The following HNF4G variants were observed in gnomAD, a reference collection of about 807,000 sequenced individuals.
HNF4G encodes the protein hepatocyte nuclear factor 4 gamma.
Under a neutral mutation model 50.9 loss-of-function variants are expected in HNF4G, and 21 were observed. That is an observed-to-expected ratio of 0.41 (90% confidence interval 0.29 to 0.59). HNF4G has a LOEUF of 0.59. Among genes scored for constraint, HNF4G ranks in the 20% least tolerant of loss-of-function variants. HNF4G has a pLI of 0.26. For synonymous variants in HNF4G, 198 were observed against 185.6 expected (o/e 1.07, Z -0.54); for missense variants, 527 against 559.4 (o/e 0.94, Z 0.58).
intron 1 of HNF4G, among the ~76,000 whole-genome samples, chr8:75,411,852 T>A (rs1056883458): frequency 7.2e-5 from 11 of 152,174 alleles, no homozygotes; most frequent in African/African-American, 2.7e-4. Flanking sequence ...TTTGAAATGT[T>A]TGCAATTATA....
At chr8:75,446,898 CAATGACT>C in intron 1 of HNF4G, among the ~76,000 whole-genome samples, 1 of 117,226 alleles carries the variant, frequency 8.5e-6, no homozygotes, top group Admixed American at 8.8e-5. Context: ...ATCAAGCTAC[CAATGACT>C]TTCTTCACAG....
Position 75,471,059 on chromosome 8 carries a change from A to G in HNF4G, c.-143-19030A>G, listed in dbSNP as rs1812101803. Reference sequence around the variant, plus strand: ...AGTTTGTTTGGATGATCTTCCTGATAAAGTCCTGACAATCTCTCAGTATAA... The same window carrying G: ...AGTTTGTTTGGATGATCTTCCTGATGAAGTCCTGACAATCTCTCAGTATAA... On this transcript the variant is annotated intron_variant, in intron 1 of 10. Coordinates refer to the HNF4G transcript ENST00000354370. Among the ~76,000 whole-genome samples, 3 of 152,206 alleles carry G rather than the reference A, an allele frequency of 2.0e-5. 1 individual carries two copies. Among genetic ancestry groups the G allele is most frequent in the Non-Finnish European group, 4.4e-5 (3 of 68,034 alleles).
intron 1 of HNF4G, among the ~76,000 whole-genome samples, chr8:75,438,979 C>T (rs1226596174): frequency 3.9e-5 from 6 of 151,980 alleles, no homozygotes; most frequent in Admixed American, 2.6e-4. Context: ...AGATCTTCCT[C>T]ATTATTTCTT....
chr8:75,488,597 A>G (rs955010216), intron 1 of HNF4G, among the ~76,000 whole-genome samples: 1 of 152,122 alleles, frequency 6.6e-6, no homozygotes, highest in East Asian at 1.9e-4. Context: ...GTTTTGGACA[A>G]TAAGCTTAGA....
chr8:75,479,417 A>C (rs1812319035), intron 1 of HNF4G, among the ~76,000 whole-genome samples: 1 of 152,182 alleles, frequency 6.6e-6, no homozygotes, highest in Admixed American at 6.5e-5. Context: ...TAGTAACCTA[A>C]AATTTTTAGT....
chr8:75,552,308 G>A (rs1322685216), intron 4 of HNF4G, among the ~76,000 whole-genome samples: 1 of 151,978 alleles, frequency 6.6e-6, no homozygotes, highest in Non-Finnish European at 1.5e-5. Flanking sequence ...GACCTAAAGG[G>A]GAGCTATGAG....
At chr8:75,512,975 A>G (rs1048492076) in intron 2 of HNF4G, among the ~76,000 whole-genome samples, 6 of 152,182 alleles carry the variant, frequency 3.9e-5, no homozygotes, top group Admixed American at 3.3e-4. Context: ...ACACAATTTT[A>G]TTATAAAACT....
chr8:75,547,526 G>C (rs1806821670), intron 2 of HNF4G, 61 bp from the exon 3 acceptor site: 1 of 1,176,184 alleles, frequency 8.5e-7, no homozygotes, highest in South Asian at 1.3e-5. Flanking sequence ...CCATTTGTCT[G>C]TTTATTTGCT....
chr8:75,516,081 T>A (rs1805882470), intron 2 of HNF4G, among the ~76,000 whole-genome samples: 1 of 152,236 alleles, frequency 6.6e-6, no homozygotes. Flanking sequence ...CACCATCTTT[T>A]ACTAAGCAAT....
At chr8:75,427,646 C>T (rs541897751) in intron 1 of HNF4G, among the ~76,000 whole-genome samples, 17 of 151,200 alleles carry the variant, frequency 1.1e-4, no homozygotes, top group East Asian at 1.9e-4. Flanking sequence ...TTACAGATAG[C>T]GAATGCCTTG....
Position 75,528,551 on chromosome 8 carries a change from A to T in HNF4G, c.-23-15260A>T, listed in dbSNP as rs78775966. Among the ~76,000 whole-genome samples, 209 of 152,318 alleles carry T rather than the reference A, an allele frequency of 1.4e-3. 1 individual carries two copies. Among genetic ancestry groups the T allele is most frequent in the African/African-American group, 4.4e-3 (182 of 41,582 alleles). On this transcript the variant is annotated intron_variant, in intron 2 of 10. Transcript: ENST00000354370. The stretch of plus-strand genomic sequence containing the variant: ...CTGTGTTTGAAAAATGAGGTCCCTC[A>T]TAGAACAAGGTCAGTATTATGGGAG...
At chr8:75,529,387 A>G (rs1298864314) in intron 2 of HNF4G, among the ~76,000 whole-genome samples, 1 of 152,080 alleles carries the variant, frequency 6.6e-6, no homozygotes, top group African/African-American at 2.4e-5. Flanking sequence ...CCCTCGACAC[A>G]TGGGTATTAC....
chr8:75,509,289 A>T (rs1937620777), intron 2 of HNF4G, among the ~76,000 whole-genome samples: 1 of 152,136 alleles, frequency 6.6e-6, no homozygotes, highest in Admixed American at 6.5e-5. Context: ...CAACATGACA[A>T]AGAAGTAGAA....
intron 2 of HNF4G, among the ~76,000 whole-genome samples, chr8:75,519,465 C>A (rs1398656423): frequency 6.6e-6 from 1 of 152,162 alleles, no homozygotes; most frequent in East Asian, 1.9e-4. Context: ...TGTTCTCATA[C>A]TGCTAATAAA....
Position 75,566,217 on chromosome 8 carries a change from T to C in HNF4G, c.*2121T>C, listed in dbSNP as rs1303471635. ...ATGGCATTTTCTAGCTGTGTCCTTA[T>C]ACATAAAAGGAAAAAGGTAGCTCTC... On this transcript the variant is annotated 3_prime_UTR_variant, in exon 10 of 10. Transcript: ENST00000396423. 3 of 152,100 alleles carry C rather than the reference T, an allele frequency of 2.0e-5. No homozygotes were observed. The highest frequency in any genetic ancestry group is 1.3e-4 in the Admixed American group (2 of 15,252). The allele number at this position is 152,100 out of a possible 1,614,324, so 9.4% of individuals were successfully genotyped here.
chr8:75,516,159 G>T (rs1368721081), intron 2 of HNF4G, among the ~76,000 whole-genome samples: 1 of 152,178 alleles, frequency 6.6e-6, no homozygotes, highest in East Asian at 1.9e-4. Context: ...CCAGCTGTCT[G>T]GGCATCACTT....
At chr8:75,542,893 A>T (rs1279935581) in intron 1 of HNF4G, among the ~76,000 whole-genome samples, 1 of 152,176 alleles carries the variant, frequency 6.6e-6, no homozygotes, top group Non-Finnish European at 1.5e-5. Flanking sequence ...TGTGAATTAA[A>T]TATGTATTTC....
chr8:75,435,431 C>G (rs763864924), intron 1 of HNF4G, among the ~76,000 whole-genome samples: 1 of 152,038 alleles, frequency 6.6e-6, no homozygotes, highest in Non-Finnish European at 1.5e-5. Context: ...AGCTATCGAA[C>G]TTTTTTACTA....
intron 1 of HNF4G, among the ~76,000 whole-genome samples, chr8:75,452,718 C>CAA (rs556934761): frequency 8.0e-6 from 1 of 125,128 alleles, no homozygotes; most frequent in South Asian, 2.5e-4. Flanking sequence ...GACTCCGTCT[C>CAA]AAAAAAAAAA....
Sources: gnomAD v4.1 joint callset for allele counts (sites outside exome capture counted in the v4.1 genomes callset) on GRCh38, gnomAD v4.1.1 for gene constraint, MANE v1.5 for transcripts, NCBI Gene and HGNC (gene_info 2026-07-23, HGNC 2026-07-21) for gene names.